SORCS3: variants seen among roughly 807,000 people sequenced by gnomAD.
The protein encoded by SORCS3 is sortilin related VPS10 domain containing receptor 3, also known as VPS10 domain-containing receptor SorCS3.
A neutral mutation model predicts 146.3 loss-of-function variants in SORCS3; 57 were observed. That is an observed-to-expected ratio of 0.39 (90% CI 0.31 to 0.49). The LOEUF is 0.49. Ranked by LOEUF, SORCS3 falls within the 20% of genes least tolerant of loss-of-function variation. The pLI, the probability that SORCS3 is intolerant of heterozygous loss-of-function variation, is 0.92. For synonymous variants in SORCS3, 653 were observed against 618.5 expected (o/e 1.06, Z -0.83); for missense variants, 1,341 against 1,575.5 (o/e 0.85, Z 2.52).
intron 1 of SORCS3, among the ~76,000 whole-genome samples, chr10:104,749,409 T>C (rs912575955): frequency 1.3e-5 from 2 of 152,184 alleles, no homozygotes; most frequent in Non-Finnish European, 2.9e-5. Context: ...TTTTTAAATC[T>C]TTATGTCTTC....
chr10:104,891,357 C>T (rs373363773), intron 2 of SORCS3, among the ~76,000 whole-genome samples: 5 of 152,102 alleles, frequency 3.3e-5, no homozygotes, highest in South Asian at 2.1e-4. Flanking sequence ...ATAGGGAGTC[C>T]GCTCTGTATA....
intron 4 of SORCS3, among the ~76,000 whole-genome samples, chr10:105,029,372 G>A (rs1479706742): frequency 6.6e-6 from 1 of 152,210 alleles, no homozygotes; most frequent in Admixed American, 6.5e-5. Context: ...AGGGCTTTGG[G>A]TAGGAATTGG....
intron 13 of SORCS3, among the ~76,000 whole-genome samples, chr10:105,173,940 A>C (rs2056380224): frequency 6.6e-6 from 1 of 152,220 alleles, no homozygotes; most frequent in Non-Finnish European, 1.5e-5. Flanking sequence ...AGTAGAAAGT[A>C]GCTGTTTGGT....
chr10:104,642,018 G>GC, intron 1 of SORCS3, 64 bp downstream of exon 1: 1 of 405,690 alleles, frequency 2.5e-6, no homozygotes, highest in Non-Finnish European at 4.5e-6. Flanking sequence ...GGGGGGGTGG[G>GC]TGGGAGCGAG....
chr10:105,234,513 T>A (rs900570437), intron 20 of SORCS3, among the ~76,000 whole-genome samples: 2 of 151,920 alleles, frequency 1.3e-5, no homozygotes, highest in Non-Finnish European at 2.9e-5. Context: ...ATTTATACCA[T>A]TTTTAGTTGT....
intron 2 of SORCS3, among the ~76,000 whole-genome samples, chr10:104,912,998 G>A (rs756704960): frequency 9.9e-5 from 15 of 152,166 alleles, no homozygotes; most frequent in Admixed American, 2.0e-4. Context: ...GTACAGCAGC[G>A]GAGGGCAGTG....
intron 1 of SORCS3, among the ~76,000 whole-genome samples, chr10:104,706,370 A>G (rs1268094244): frequency 5.9e-5 from 9 of 151,448 alleles, no homozygotes; most frequent in African/African-American, 2.2e-4. Flanking sequence ...CACCACGCCC[A>G]GGTGATTTTT....
intron 5 of SORCS3, among the ~76,000 whole-genome samples, chr10:105,083,913 G>A (rs192188311): frequency 3.3e-5 from 5 of 152,306 alleles, no homozygotes; most frequent in African/African-American, 1.2e-4. Context: ...AGATGGATGG[G>A]CACAAATCCC....
intron 1 of SORCS3, among the ~76,000 whole-genome samples, chr10:104,801,509 T>G (rs916581738): frequency 1.3e-5 from 2 of 152,210 alleles, no homozygotes; most frequent in African/African-American, 4.8e-5. Flanking sequence ...CAGCCACAGA[T>G]GAATGCTCAA....
At chr10:105,247,013 G>T (rs2056870428) in intron 21 of SORCS3, among the ~76,000 whole-genome samples, 1 of 152,166 alleles carries the variant, frequency 6.6e-6, no homozygotes. Flanking sequence ...AACAAAAACT[G>T]GTAGGAGCAC....
chr10:104,789,114 G>C (rs753714923), intron 1 of SORCS3, among the ~76,000 whole-genome samples: 1 of 152,178 alleles, frequency 6.6e-6, no homozygotes, highest in Non-Finnish European at 1.5e-5. Context: ...AGTGAGAAGT[G>C]GTGAGGCCTT....
chr10:104,851,525 TCAGA>T (rs1451987245), intron 2 of SORCS3, among the ~76,000 whole-genome samples: 1 of 152,206 alleles, frequency 6.6e-6, no homozygotes, highest in Non-Finnish European at 1.5e-5. Flanking sequence ...GTGAATAGGA[TCAGA>T]CAGTCTCTTC....
chr10:105,245,702 G>A (rs531838009), intron 21 of SORCS3, 37 bp downstream of exon 21: 74 of 1,604,640 alleles, frequency 4.6e-5, no homozygotes, highest in African/African-American at 1.7e-4. Context: ...GCTCCTTCCC[G>A]CTCAGTTAAT....
At chr10:104,932,703 A>G (rs1293474078) in intron 3 of SORCS3, among the ~76,000 whole-genome samples, 1 of 151,920 alleles carries the variant, frequency 6.6e-6, no homozygotes, top group Non-Finnish European at 1.5e-5. Flanking sequence ...TTTAATTTTT[A>G]TTTTTTAGAA....
At chr10:104,876,760 T>TTCCTTC in intron 2 of SORCS3, among the ~76,000 whole-genome samples, 1 of 119,474 alleles carries the variant, frequency 8.4e-6, no homozygotes, top group East Asian at 2.8e-4. Flanking sequence ...TCTTTCTTTC[T>TTCCTTC]CTTCCTTCCT....
chr10:105,169,681 G>T (rs867635866), intron 13 of SORCS3, among the ~76,000 whole-genome samples: 1 of 152,122 alleles, frequency 6.6e-6, no homozygotes, highest in Non-Finnish European at 1.5e-5. Flanking sequence ...AAGTTGGTCT[G>T]GTAGGTAATT....
At chr10:104,724,451 G>T (rs558986723) in intron 1 of SORCS3, among the ~76,000 whole-genome samples, 1 of 151,972 alleles carries the variant, frequency 6.6e-6, no homozygotes, top group Non-Finnish European at 1.5e-5. Flanking sequence ...ACAATTATGT[G>T]TCTTGGAGTT....
At chr10:104,676,443 A>G (rs763465460) in intron 1 of SORCS3, among the ~76,000 whole-genome samples, 1 of 152,236 alleles carries the variant, frequency 6.6e-6, no homozygotes, top group African/African-American at 2.4e-5. Context: ...GCTAATATGT[A>G]GAAGGAATAA....
intron 5 of SORCS3, among the ~76,000 whole-genome samples, chr10:105,087,289 A>G (rs1294724995): frequency 6.6e-6 from 1 of 152,098 alleles, no homozygotes; most frequent in Non-Finnish European, 1.5e-5. Context: ...TGTTCTATAT[A>G]TCTGTTTAGG....
Sources: gnomAD v4.1 joint callset for allele counts (sites outside exome capture counted in the v4.1 genomes callset) on GRCh38, gnomAD v4.1.1 for gene constraint, MANE v1.5 for transcripts, NCBI Gene and HGNC (gene_info 2026-07-23, HGNC 2026-07-21) for gene names.